Variants in LARGE1 observed in about 807,000 individuals in gnomAD.
LARGE1 encodes LARGE xylosyl- and glucuronyltransferase 1.
Under a neutral mutation model 87.6 loss-of-function variants are expected in LARGE1, and 43 were observed. The ratio of observed to expected loss-of-function variants is 0.49; its 90% CI spans 0.38 to 0.63. The LOEUF is 0.63. Among genes scored for constraint, LARGE1 ranks in the 30% least tolerant of loss-of-function variants. The pLI, the probability that LARGE1 is intolerant of heterozygous loss-of-function variation, is 0.00. For missense variants in LARGE1, 802 were observed against 1,000.2 expected (o/e 0.80, Z 2.67); for synonymous variants, 434 against 394.6 (o/e 1.10, Z -1.18).
chr22:33,745,595 A>C (rs967965127), intron 2 of LARGE1, among the ~76,000 whole-genome samples: 1 of 152,144 alleles, frequency 6.6e-6, no homozygotes, highest in East Asian at 1.9e-4. Context: ...CATTTTGAGA[A>C]GCGTTAACTC....
rs117783342 is a variant in LARGE1 at position 33,865,370 on chromosome 22, T to C, written c.-83+54625A>G. Among the ~76,000 whole-genome samples the C allele has an allele frequency of 8.0e-3, 1,216 of 152,334 alleles. 12 individuals are homozygous for C. The highest frequency in any genetic ancestry group is 0.021 in the Admixed American group (314 of 15,306). ...ATCTGTTTGTTTTCATGACAGAACA[T>C]CCTGGTAGGGAATATTGGCGTCTTT... On this transcript the variant is annotated intron_variant, in intron 1 of 14. Coordinates refer to ENST00000397394, the MANE Select transcript of LARGE1 (RefSeq NM_133642.5).
intron 1 of LARGE1, among the ~76,000 whole-genome samples, chr22:33,879,053 AC>A (rs2146741479): frequency 6.6e-6 from 1 of 151,476 alleles, no homozygotes; most frequent in South Asian, 2.1e-4. Context: ...GCCTACCGCA[AC>A]CTCTGCCTCC....
chr22:33,882,223 G>C (rs1451538872), intron 1 of LARGE1, among the ~76,000 whole-genome samples: 1 of 151,886 alleles, frequency 6.6e-6, no homozygotes, highest in Non-Finnish European at 1.5e-5. Context: ...GTAGAGACGG[G>C]GTTTCATCGT....
At chr22:33,259,214 A>G (rs1043532801) in intron 11 of LARGE1, among the ~76,000 whole-genome samples, 3 of 152,138 alleles carry the variant, frequency 2.0e-5, no homozygotes, top group Non-Finnish European at 4.4e-5. Flanking sequence ...TGAAGGGTTT[A>G]TCTGATTCCT....
intron 6 of LARGE1, among the ~76,000 whole-genome samples, chr22:33,439,137 T>C (rs1429727536): frequency 6.6e-6 from 1 of 151,552 alleles, no homozygotes; most frequent in Non-Finnish European, 1.5e-5. Context: ...TCGCTTGAAC[T>C]TGGGAGGCGG....
chr22:33,881,050 T>A (rs2064666059), intron 1 of LARGE1, among the ~76,000 whole-genome samples: 3 of 143,376 alleles, frequency 2.1e-5, no homozygotes, highest in African/African-American at 7.4e-5. Context: ...ATAAGTAGCT[T>A]TTTTAATTTT....
At chr22:33,897,862 C>T (rs1408097523) in intron 1 of LARGE1, among the ~76,000 whole-genome samples, 1 of 152,162 alleles carries the variant, frequency 6.6e-6, no homozygotes, top group East Asian at 1.9e-4. Context: ...TTTAATATTG[C>T]AGCCATTACT....
chr22:33,506,103 G>T (rs1390699215), intron 6 of LARGE1, among the ~76,000 whole-genome samples: 2 of 152,046 alleles, frequency 1.3e-5, no homozygotes, highest in Non-Finnish European at 2.9e-5. Context: ...TTTGAGATTA[G>T]ATCTTCCCTG....
At chr22:33,549,196 G>A (rs1201848121) in intron 6 of LARGE1, among the ~76,000 whole-genome samples, 3 of 152,174 alleles carry the variant, frequency 2.0e-5, no homozygotes, top group South Asian at 4.1e-4. Context: ...ACATGGGCAA[G>A]CCCAGTGCAT....
intron 8 of LARGE1, 45 bp from the exon 9 acceptor site, chr22:33,382,089 C>T: frequency 1.2e-6 from 2 of 1,611,962 alleles, no homozygotes; most frequent in East Asian, 4.5e-5. Flanking sequence ...GTCGGATGGT[C>T]CAGCTGCCCA....
At chr22:33,089,321 T>TTTCTTCCTCTTC in the LARGE1 span, among the ~76,000 whole-genome samples, 5 of 87,094 alleles carry the variant, frequency 5.7e-5, no homozygotes, top group African/African-American at 2.5e-4. Flanking sequence ...TTCTTTCTTC[T>TTTCTTCCTCTTC]TTCTTCTTCT....
At chr22:33,195,960 G>A (rs1924054620) in intron 11 of LARGE1, among the ~76,000 whole-genome samples, 1 of 151,254 alleles carries the variant, frequency 6.6e-6, no homozygotes, top group Non-Finnish European at 1.5e-5. Context: ...GAGTTTCACC[G>A]TGTTAGCCAG....
rs548453878 is a variant in LARGE1 at position 33,592,446 on chromosome 22, C to T, written c.615+11989G>A. Among the ~76,000 whole-genome samples the T allele has an allele frequency of 9.9e-5, 15 of 152,176 alleles. No homozygotes were observed. In the East Asian group the frequency reaches 2.9e-3, roughly 29 times the overall value. ...TCATGTCTGAGCTTTGCAGAAACAC[C>T]TTACCCTTTTTTCCAGGATAATCAA... On this transcript the variant is annotated intron_variant, in intron 5 of 14. Transcript: ENST00000397394.
intron 11 of LARGE1, among the ~76,000 whole-genome samples, chr22:33,187,138 G>C (rs183008088): frequency 2.0e-5 from 3 of 152,154 alleles, no homozygotes; most frequent in Non-Finnish European, 4.4e-5. Flanking sequence ...CCCACGACTG[G>C]GTATAAATTC....
intron 2 of LARGE1, among the ~76,000 whole-genome samples, chr22:33,712,850 G>A (rs765278128): frequency 2.0e-4 from 30 of 152,076 alleles, no homozygotes; most frequent in African/African-American, 3.1e-4. Flanking sequence ...TCCATGGTGC[G>A]GACTCTGTGC....
intron 11 of LARGE1, among the ~76,000 whole-genome samples, chr22:33,306,079 C>G (rs1429123233): frequency 6.6e-6 from 1 of 152,096 alleles, no homozygotes; most frequent in African/African-American, 2.4e-5. Flanking sequence ...CTCCTGACCT[C>G]GTGATCCGCC....
chr22:33,326,396 A>C (rs1362057324), intron 10 of LARGE1, among the ~76,000 whole-genome samples: 1 of 152,198 alleles, frequency 6.6e-6, no homozygotes, highest in Non-Finnish European at 1.5e-5. Flanking sequence ...CAATGAAGCC[A>C]GTCACTAATT....
At chr22:33,513,204 G>A (rs1287539688) in intron 6 of LARGE1, among the ~76,000 whole-genome samples, 1 of 152,162 alleles carries the variant, frequency 6.6e-6, no homozygotes, top group African/African-American at 2.4e-5. Context: ...GGAATCTTGT[G>A]CTGGCTAGGA....
At chr22:33,106,493 CT>C in the LARGE1 span, among the ~76,000 whole-genome samples, 21,982 of 146,840 alleles carry the variant, frequency 0.15, 1,983 homozygotes, top group East Asian at 0.4. Context: ...TTCGCCATTC[CT>C]TTTTTTTTTT....
Sources: gnomAD v4.1 joint callset for allele counts (sites outside exome capture counted in the v4.1 genomes callset) on GRCh38, gnomAD v4.1.1 for gene constraint, MANE v1.5 for transcripts, NCBI Gene and HGNC (gene_info 2026-07-23, HGNC 2026-07-21) for gene names.